BPIFB2: variants seen among roughly 807,000 people sequenced by gnomAD.
The protein encoded by BPIFB2 is BPI fold containing family B member 2.
A neutral mutation model predicts 50.1 loss-of-function variants in BPIFB2; 39 were observed. The ratio of observed to expected loss-of-function variants is 0.78; its 90% CI spans 0.60 to 1.02. The LOEUF (loss-of-function observed/expected upper bound fraction) is 1.02, where lower values mean the gene tolerates loss of function less well. BPIFB2 is among the 50% of genes least tolerant of loss of function. The pLI, the probability that BPIFB2 is intolerant of heterozygous loss-of-function variation, is 0.00. For missense variants in BPIFB2, 574 were observed against 585.8 expected (o/e 0.98, Z 0.21); for synonymous variants, 280 against 256.3 (o/e 1.09, Z -0.88).
chr20:33,023,282 G>A lies in BPIFB2; in HGVS notation c.1336-60G>A, dbSNP rs1978745465. 3 of 1,534,976 alleles carry A rather than the reference G, an allele frequency of 2.0e-6. No homozygotes were observed. In the Admixed American group the frequency reaches 5.0e-5, roughly 26 times the overall value. On this transcript the variant is annotated intron_variant, in intron 15 of 15. Transcript: ENST00000170150. ...CAGAACTCAGAGCCAGGCTGAGGGG[G>A]CGGCTGGGGTCCTGCCTGTGCCTCC...
intron 10 of BPIFB2, 44 bp downstream of exon 10, chr20:33,019,159 TG>T (rs759994372): frequency 1.2e-6 from 2 of 1,611,774 alleles, no homozygotes; most frequent in Non-Finnish European, 1.7e-6. Context: ...GACAAGGGAC[TG>T]GGGTGGGGGT....
chr20:33,008,699 C>A lies in BPIFB2; in HGVS notation c.109+16C>A. On this transcript the variant is annotated intron_variant, in intron 2 of 15. Transcript: ENST00000170150. ...TTGAGCTACGGTAAGCGGTGTGTTA[C>A]CCAGTGAGTGTCTGTGAGCCTGTAC... The A allele has an allele frequency of 6.3e-7, 1 of 1,575,826 alleles. No homozygotes were observed. Among genetic ancestry groups the A allele is most frequent in the Non-Finnish European group, 8.6e-7 (1 of 1,157,558 alleles).
At chr20:33,008,463 T>C in intron 1 of BPIFB2, 78 bp from the exon 2 acceptor site, 2 of 797,446 alleles carry the variant, frequency 2.5e-6, no homozygotes, top group South Asian at 1.8e-5. Flanking sequence ...GCTTGTTCCC[T>C]CCAGGCTGGA....
chr20:33,021,489 A>C (rs989743513), intron 14 of BPIFB2, 145 bp downstream of exon 14: 3 of 989,568 alleles, frequency 3.0e-6, no homozygotes, highest in Non-Finnish European at 4.6e-6. Context: ...CCATGTGTGC[A>C]TGCCCCTTGG....
intron 7 of BPIFB2, 47 bp downstream of exon 7, chr20:33,017,149 C>T: frequency 6.3e-7 from 1 of 1,579,158 alleles, no homozygotes. Flanking sequence ...CTGGGACCCC[C>T]TGGAGCCCCT....
chr20:33,021,335 C>A lies in BPIFB2; in HGVS notation c.1249C>A (p.His417Asn), dbSNP rs769526824. 3.7e-6 allele frequency: 6 copies of A among 1,613,448 alleles called. No individual in the cohort carries two copies. Among genetic ancestry groups the A allele is most frequent in the Non-Finnish European group, 4.2e-6 (5 of 1,179,792 alleles). Residue 417 changes from histidine (H) to asparagine (N), a missense_variant, in exon 14 of 16, where the codon CAT (histidine) becomes AAT (asparagine). Coordinates refer to ENST00000170150, the MANE Select transcript of BPIFB2 (RefSeq NM_025227.3). ...GTVFEKPLLD[H>N]LNALLAMGIA... ...CGTTTTTGAGAAGCCCCTGCTGGAC[C>A]ATCTCAATGGTAAGCCCTGCCCTCC...
At chr20:33,021,427 T>C (rs1978666347) in intron 14 of BPIFB2, 83 bp downstream of exon 14, 1 of 1,446,042 alleles carries the variant, frequency 6.9e-7, no homozygotes, top group Non-Finnish European at 9.5e-7. Context: ...CCCAGCCCCC[T>C]TCCCACCTCC....
At position 33,018,652 on chromosome 20, in the gene BPIFB2, C is replaced by T; in HGVS notation, c.685C>T (p.Leu229=). ...SLEVNAVLFL[L]GKPIILPTDA... ...ACCCCTACAGGCTGTTCTCTTCCTG[C>T]TGGGCAAGCCCATCATCCTGCCCAC... is the stretch of plus-strand genomic sequence containing the variant. The change falls in exon 9 of 16, where the codon CTG becomes TTG. Residue 229 remains leucine (L), a synonymous_variant. Transcript: ENST00000170150. 1 of 1,612,646 alleles carries T rather than the reference C, an allele frequency of 6.2e-7. No individual in the cohort carries two copies. Among genetic ancestry groups the T allele is most frequent in the Non-Finnish European group, 8.5e-7 (1 of 1,179,322 alleles).
At position 33,012,792 on chromosome 20, in the gene BPIFB2, C is replaced by T. The variant is rs771456069; in HGVS notation, c.204-11C>T. On this transcript the variant is annotated splice_polypyrimidine_tract_variant and intron_variant, in intron 3 of 15. Coordinates refer to ENST00000170150, the MANE Select transcript of BPIFB2 (RefSeq NM_025227.3). ...GGGGGCCACTCTGTCACCTTGATTA[C>T]TACCCTGCAGGATCCGGATTCTGAA... 3.1e-6 allele frequency: 5 copies of T among 1,605,822 alleles called. No homozygotes were observed. In the Admixed American group the frequency reaches 6.7e-5, roughly 21 times the overall value.
At chr20:33,021,412 T>C (rs2146355994) in intron 14 of BPIFB2, 68 bp downstream of exon 14, 1 of 1,507,410 alleles carries the variant, frequency 6.6e-7, no homozygotes, top group African/African-American at 1.4e-5. Context: ...TGCTCGGTGC[T>C]CAATCCCAGC....
In BPIFB2 at chr20:33,021,340, C is replaced by T; in HGVS notation, c.1254C>T (p.Leu418=). ...TVFEKPLLDH[L]NALLAMGIAL... is the part of the protein sequence containing the mutation. ...TTGAGAAGCCCCTGCTGGACCATCT[C>T]AATGGTAAGCCCTGCCCTCCACCCC... Residue 418 remains leucine (L), a synonymous_variant, in exon 14 of 16, where the codon CTC becomes CTT. Coordinates refer to ENST00000170150, the MANE Select transcript of BPIFB2 (RefSeq NM_025227.3). The T allele has an allele frequency of 6.2e-7, 1 of 1,612,918 alleles. No individual in the cohort carries two copies. Among genetic ancestry groups the T allele is most frequent in the Non-Finnish European group, 8.5e-7 (1 of 1,179,564 alleles).
chr20:33,018,969 G>A, intron 9 of BPIFB2, 93 bp from the exon 10 acceptor site: 1 of 1,587,882 alleles, frequency 6.3e-7, no homozygotes. Context: ...TTAAACGGGG[G>A]CTATGGGGAG....
rs370957168 is a variant in BPIFB2, at chr20:33,015,398, T to C, written c.456-38T>C. ...TGCTGAGTGACGGGACTTAATATGT[T>C]TGGGAGCCCAGGAACTCTTTCTGTG... On this transcript the variant is annotated intron_variant, in intron 5 of 15. Coordinates refer to ENST00000170150, the MANE Select transcript of BPIFB2 (RefSeq NM_025227.3). The C allele has an allele frequency of 9.5e-6, 15 of 1,581,106 alleles. No individual in the cohort carries two copies. The African/African-American group carries it at 1.9e-4, about 20-fold the overall frequency.
At chr20:33,020,241 T>G in intron 11 of BPIFB2, 87 bp from the exon 12 acceptor site, 8 of 1,310,434 alleles carry the variant, frequency 6.1e-6, no homozygotes, top group African/African-American at 1.5e-5. Context: ...GCTGCCTGAA[T>G]GAGTCGGGGG....
At chr20:33,011,185 G>GACTGAAGCACCCACCT in intron 3 of BPIFB2, 68 bp downstream of exon 3, 1 of 1,496,810 alleles carries the variant, frequency 6.7e-7, no homozygotes, top group Non-Finnish European at 9.3e-7. Context: ...TTGCCAGGTG[G>GACTGAAGCACCCACCT]GTGCTTCAGT....
In BPIFB2 at chr20:33,013,785, G is replaced by C; in HGVS notation, c.309-25G>C. On this transcript the variant is annotated intron_variant, in intron 4 of 15. Transcript: ENST00000170150. ...TGGGCTCTGCTGGGCGGTGCTGCTC[G>C]GGCTCAGGACTGGCATCCCTACAGC... The C allele has an allele frequency of 1.9e-6, 3 of 1,606,388 alleles. No individual in the cohort carries two copies. In the Admixed American group the frequency reaches 5.0e-5, roughly 27 times the overall value.
At position 33,008,615 on chromosome 20, in the gene BPIFB2, T is replaced by C. The variant is rs756321277; in HGVS notation, c.41T>C (p.Leu14Pro). The change falls in exon 2 of 16, where the codon CTG becomes CCG. Residue 14 changes from leucine (L) to proline (P), a missense_variant. Transcript: ENST00000170150. ...ASRLGLLLAL[L>P]LPVVGASTPG... ...AGGCTGGGCCTGCTGCTGGCACTGC[T>C]GCTGCCCGTGGTCGGTGCCTCCACG... 8.1e-6 allele frequency: 13 copies of C among 1,605,914 alleles called. No homozygotes were observed. The highest frequency in any genetic ancestry group is 1.0e-5 in the Non-Finnish European group (12 of 1,176,472).
At chr20:33,017,339 C>A (rs550818632) in intron 7 of BPIFB2, among the ~76,000 whole-genome samples, 10 of 152,336 alleles carry the variant, frequency 6.6e-5, no homozygotes, top group African/African-American at 2.4e-4. Flanking sequence ...ATCAAAAAAT[C>A]TGAAAAACAA....
chr20:33,023,284 G>T (rs374727938), intron 15 of BPIFB2, 58 bp from the exon 16 acceptor site: 1 of 1,543,470 alleles, frequency 6.5e-7, no homozygotes, highest in African/African-American at 1.4e-5. Context: ...CTGAGGGGGC[G>T]GCTGGGGTCC....
Sources: gnomAD v4.1 joint callset for allele counts (sites outside exome capture counted in the v4.1 genomes callset) on GRCh38, gnomAD v4.1.1 for gene constraint, MANE v1.5 for transcripts, NCBI Gene and HGNC (gene_info 2026-07-23, HGNC 2026-07-21) for gene names.